CSRP3: variants seen among roughly 807,000 people sequenced by gnomAD.
The protein encoded by CSRP3 is cysteine and glycine-rich protein 3.
CSRP3 carries 24 observed loss-of-function variants against 24.3 expected under a neutral mutation model. The observed-to-expected ratio is 0.99, with a 90% CI of 0.71 to 1.39. The LOEUF (loss-of-function observed/expected upper bound fraction) is 1.39. CSRP3 is among the 40% of genes most tolerant of loss of function. The pLI is 0.00. For synonymous variants in CSRP3, 105 were observed against 94.0 expected (o/e 1.12, Z -0.68); for missense variants, 240 against 249.0 (o/e 0.96, Z 0.24).
intron 5 of CSRP3, among the ~76,000 whole-genome samples, chr11:19,183,861 G>C (rs1054484224): frequency 6.6e-5 from 10 of 152,012 alleles, no homozygotes; most frequent in African/African-American, 2.4e-4. Context: ...GGGACCCAGC[G>C]GGAGATAATT....
chr11:19,197,599 C>G (rs554881412), intron 1 of CSRP3, among the ~76,000 whole-genome samples: 173 of 136,548 alleles, frequency 1.3e-3, no homozygotes, highest in African/African-American at 4.3e-3. Context: ...AACTATAAAG[C>G]TGAGCAATGA....
chr11:19,195,611 GC>G (rs1850689608), intron 1 of CSRP3, among the ~76,000 whole-genome samples: 1 of 152,230 alleles, frequency 6.6e-6, no homozygotes, highest in Admixed American at 6.5e-5. Flanking sequence ...TTTCAGATTT[GC>G]AGTGGAGATT....
chr11:19,193,584 C>G (rs1051684141), intron 1 of CSRP3, among the ~76,000 whole-genome samples: 1 of 152,228 alleles, frequency 6.6e-6, no homozygotes, highest in African/African-American at 2.4e-5. Context: ...GTCTCAAACT[C>G]CTGACCTCAA....
intron 4 of CSRP3, among the ~76,000 whole-genome samples, chr11:19,185,864 C>T (rs1565050583): frequency 6.6e-6 from 1 of 152,144 alleles, no homozygotes; most frequent in Admixed American, 6.5e-5. Context: ...GTGGCAGCAA[C>T]AGGTTGAGTT....
At chr11:19,187,026 T>C (rs1077687) in intron 3 of CSRP3, among the ~76,000 whole-genome samples, 54,462 of 151,984 alleles carry the variant, frequency 0.36, 11,729 homozygotes, top group East Asian at 0.48. Flanking sequence ...AGGATCAGAG[T>C]GTGACTGCCC....
At chr11:19,183,198 T>C (rs1850467739) in intron 5 of CSRP3, among the ~76,000 whole-genome samples, 1 of 152,096 alleles carries the variant, frequency 6.6e-6, no homozygotes, top group Non-Finnish European at 1.5e-5. Flanking sequence ...TGAGCTAACT[T>C]TTTAAAATAA....
At chr11:19,186,169 C>G (rs1475114743) in intron 4 of CSRP3, 47 bp downstream of exon 4, 14 of 1,613,724 alleles carry the variant, frequency 8.7e-6, no homozygotes, top group Non-Finnish European at 1.2e-5. Context: ...CCCAAATGGC[C>G]TGGTGGAGAT....
At position 19,195,375 on chromosome 11, in the gene CSRP3, C is replaced by T. The variant is rs899574746; in HGVS notation, c.-28-2899G>A. Among the ~76,000 whole-genome samples, 4 of 152,136 alleles carry T rather than the reference C, an allele frequency of 2.6e-5. No individual in the cohort carries two copies. In the East Asian group the frequency reaches 7.7e-4, roughly 29 times the overall value. On this transcript the variant is annotated intron_variant, in intron 1 of 5. Transcript: ENST00000265968. ...AGCATTTAGGGATATTTTTCTTAGCCAACTTCTTTTTATACAATCCATTCT... is the reference window on the plus strand; with the variant it reads ...AGCATTTAGGGATATTTTTCTTAGCTAACTTCTTTTTATACAATCCATTCT...
chr11:19,196,170 G>A (rs1850699562), intron 1 of CSRP3, among the ~76,000 whole-genome samples: 1 of 152,200 alleles, frequency 6.6e-6, no homozygotes, highest in Non-Finnish European at 1.5e-5. Context: ...GACTGAGGCA[G>A]GAGAATCACT....
chr11:19,183,773 G>A (rs937498590), intron 5 of CSRP3, among the ~76,000 whole-genome samples: 11 of 152,102 alleles, frequency 7.2e-5, no homozygotes, highest in Admixed American at 1.3e-4. Flanking sequence ...GAAAAGCTTT[G>A]GCAGCTGATA....
intron 1 of CSRP3, chr11:19,196,968 C>T (rs1590108220): frequency 2.0e-5 from 3 of 152,228 alleles, no homozygotes; most frequent in Admixed American, 2.0e-4. Flanking sequence ...TAACTAATAC[C>T]ATAGAAGAGA....
At chr11:19,197,731 A>G (rs1374942477) in intron 1 of CSRP3, among the ~76,000 whole-genome samples, 1 of 151,668 alleles carries the variant, frequency 6.6e-6, no homozygotes, top group Non-Finnish European at 1.5e-5. Context: ...GCTCAGTGCT[A>G]GCTCAGTTGG....
At position 19,192,298 on chromosome 11, in the gene CSRP3, C is replaced by T. The variant is rs185421701; in HGVS notation, c.112+39G>A. ...TCAATGTGAATTTTGTGATGCTGTC[C>T]GGATGCTGAGGGGCCCCCAGGGTGT... On this transcript the variant is annotated intron_variant, in intron 2 of 5. Coordinates refer to ENST00000265968, the MANE Select transcript of CSRP3 (RefSeq NM_003476.5). 818 of 1,372,912 alleles carry T rather than the reference C, an allele frequency of 6.0e-4. 1 individual carries two copies. The highest frequency in any genetic ancestry group is 7.8e-4 in the Non-Finnish European group (747 of 960,342). 85.0% of individuals were successfully genotyped at this position (1,372,912 alleles called of 1,614,324 possible).
At chr11:19,185,269 T>A (rs1242696560) in intron 4 of CSRP3, among the ~76,000 whole-genome samples, 1 of 152,248 alleles carries the variant, frequency 6.6e-6, no homozygotes, top group Non-Finnish European at 1.5e-5. Flanking sequence ...GATTTGCATA[T>A]GTTTTCCTTC....
chr11:19,197,558 T>TCTTTCTTTCTTTCTTC (rs1565055719), intron 1 of CSRP3, among the ~76,000 whole-genome samples: 6 of 141,492 alleles, frequency 4.2e-5, no homozygotes, highest in African/African-American at 1.7e-4. Context: ...TTTCTTTCTT[T>TCTTTCTTTCTTTCTTC]CTTTCTTTCT....
chr11:19,185,776 C>A (rs1333838411), intron 4 of CSRP3, among the ~76,000 whole-genome samples: 1 of 152,326 alleles, frequency 6.6e-6, no homozygotes, highest in Non-Finnish European at 1.5e-5. Context: ...CATCTGATGA[C>A]TTTCCTGAGA....
rs1850748166 is a variant in CSRP3, at chr11:19,197,501, C to CTCTTCCTTTCTT, written c.-29+4452_-29+4453insAAGAAAGGAAGA. Reference sequence around the variant, plus strand: ...TCCATCTCTTTCTCTCCCTCTTTTCCTCTTTCTTTCTTTCTTTCTTTCTTT... The same window carrying CTCTTCCTTTCTT: ...TCCATCTCTTTCTCTCCCTCTTTTCCTCTTCCTTTCTTTCTTTCTTTCTTTCTTTCTTTCTTT... On this transcript the variant is annotated intron_variant, in intron 1 of 5. Coordinates refer to ENST00000265968, the MANE Select transcript of CSRP3 (RefSeq NM_003476.5). Among the ~76,000 whole-genome samples the CTCTTCCTTTCTT allele has an allele frequency of 4.5e-5, 3 of 67,068 alleles. No individual in the cohort carries two copies. The Admixed American group carries it at 5.4e-4, about 12-fold the overall frequency. 44.0% of individuals were successfully genotyped at this position (67,068 alleles called of 152,430 possible).
chr11:19,201,596 G>T (rs10741762), intron 1 of CSRP3, among the ~76,000 whole-genome samples: 115,037 of 152,194 alleles, frequency 0.76, 44,592 homozygotes, highest in East Asian at 0.91. Context: ...GTTGTAAGAC[G>T]AGAAGGTCAG....
At chr11:19,197,233 C>G (rs956430918) in intron 1 of CSRP3, among the ~76,000 whole-genome samples, 7 of 152,062 alleles carry the variant, frequency 4.6e-5, no homozygotes, top group African/African-American at 1.7e-4. Context: ...ATGTGAGAAC[C>G]AATTAGGTTC....
Sources: allele counts gnomAD v4.1 joint callset (sites outside exome capture counted in the v4.1 genomes callset), GRCh38; gene constraint gnomAD v4.1.1; transcripts MANE v1.5; gene names NCBI Gene and HGNC (gene_info 2026-07-23, HGNC 2026-07-21).